The following KIF26B variants were observed in gnomAD, a reference collection of about 807,000 sequenced individuals.
KIF26B encodes kinesin-like protein KIF26B.
A neutral mutation model predicts 151.2 loss-of-function variants in KIF26B; 63 were observed. The observed-to-expected ratio is 0.42, with a 90% CI of 0.34 to 0.51. KIF26B has a LOEUF of 0.51. Ranked by LOEUF, KIF26B falls within the 20% of genes least tolerant of loss-of-function variation. The pLI is 0.07. For synonymous variants in KIF26B, 1,357 were observed against 1,262.1 expected (o/e 1.08, Z -1.59); for missense variants, 2,813 against 2,913.6 (o/e 0.97, Z 0.79).
At chr1:245,327,488 T>C (rs1672013924) in intron 2 of KIF26B, among the ~76,000 whole-genome samples, 2 of 152,240 alleles carry the variant, frequency 1.3e-5, no homozygotes, top group Non-Finnish European at 2.9e-5. Flanking sequence ...AACTTTTAGC[T>C]ATGAAACATC....
intron 3 of KIF26B, among the ~76,000 whole-genome samples, chr1:245,406,877 T>C (rs1674146952): frequency 1.3e-5 from 2 of 152,092 alleles, no homozygotes; most frequent in Admixed American, 1.3e-4. Context: ...AGCTTCTGCC[T>C]CCCGGGTTCA....
chr1:245,433,466 CAA>C (rs111335967), intron 4 of KIF26B, among the ~76,000 whole-genome samples: 6 of 115,010 alleles, frequency 5.2e-5, no homozygotes, highest in African/African-American at 3.2e-5. Context: ...GACTCTGTCT[CAA>C]AAAAAAAAAA....
intron 4 of KIF26B, among the ~76,000 whole-genome samples, chr1:245,490,259 C>T (rs1293490957): frequency 4.6e-5 from 7 of 151,354 alleles, no homozygotes; most frequent in South Asian, 2.1e-4. Context: ...AGACTATCCA[C>T]GAGAGACTTC....
At chr1:245,292,746 G>C (rs1235109387) in intron 2 of KIF26B, among the ~76,000 whole-genome samples, 1 of 152,150 alleles carries the variant, frequency 6.6e-6, no homozygotes, top group Admixed American at 6.5e-5. Context: ...GCAGATCACT[G>C]TCAGTGGAGT....
At chr1:245,156,243 C>A in intron 1 of KIF26B, 39 bp from the exon 2 acceptor site, 1 of 1,536,316 alleles carries the variant, frequency 6.5e-7, no homozygotes, top group Non-Finnish European at 8.8e-7. Context: ...TGCAGCCCGC[C>A]GCCTTGCAGC....
chr1:245,283,010 C>T (rs750688774), intron 2 of KIF26B: 6 of 288,806 alleles, frequency 2.1e-5, no homozygotes, highest in South Asian at 8.1e-5. Flanking sequence ...GCTCCATGTG[C>T]TTCATGGCTT....
At chr1:245,198,663 G>A (rs913206144) in intron 2 of KIF26B, among the ~76,000 whole-genome samples, 12 of 151,558 alleles carry the variant, frequency 7.9e-5, no homozygotes, top group South Asian at 4.2e-4. Context: ...CGGAGGTTGC[G>A]TGAGTCGAGA....
chr1:245,292,334 C>T (rs1347334719), intron 2 of KIF26B, among the ~76,000 whole-genome samples: 1 of 152,150 alleles, frequency 6.6e-6, no homozygotes, highest in Non-Finnish European at 1.5e-5. Flanking sequence ...GAGAGGGAAC[C>T]GTCACTGCCA....
At chr1:245,618,216 T>C (rs1163266772) in intron 9 of KIF26B, among the ~76,000 whole-genome samples, 3 of 152,362 alleles carry the variant, frequency 2.0e-5, no homozygotes, top group South Asian at 2.1e-4. Flanking sequence ...GTGGGGGATG[T>C]TATGCTTTTG....
chr1:245,622,044 C>T (rs116785387), intron 9 of KIF26B, among the ~76,000 whole-genome samples: 6,026 of 152,262 alleles, frequency 0.04, 161 homozygotes, highest in Middle Eastern at 0.065. Flanking sequence ...TGTCTTTGCC[C>T]TTTAATCTGT....
intron 3 of KIF26B, among the ~76,000 whole-genome samples, chr1:245,414,001 C>T (rs1435929230): frequency 6.6e-6 from 1 of 152,140 alleles, no homozygotes; most frequent in Non-Finnish European, 1.5e-5. Flanking sequence ...CACAGGTGAC[C>T]ACCTCAGGAC....
intron 3 of KIF26B, among the ~76,000 whole-genome samples, chr1:245,396,130 T>A (rs1403868238): frequency 6.6e-6 from 1 of 152,176 alleles, no homozygotes; most frequent in African/African-American, 2.4e-5. Flanking sequence ...ATACTGACTT[T>A]TTGTTTATAT....
At chr1:245,203,910 T>C (rs77438607) in intron 2 of KIF26B, among the ~76,000 whole-genome samples, 1,785 of 152,306 alleles carry the variant, frequency 0.012, 34 homozygotes, top group African/African-American at 0.041. Flanking sequence ...AACTTTGGTG[T>C]TGAAAGAGCT....
chr1:245,367,309 A>T lies in KIF26B; in HGVS notation c.941A>T (p.Tyr314Phe). 6.3e-7 allele frequency: 1 copy of T among 1,596,636 alleles called. No individual in the cohort carries two copies. Among genetic ancestry groups the T allele is most frequent in the East Asian group, 2.3e-5 (1 of 44,020 alleles). ...LNSVAIQAHQ[Y>F]LDGTWSLSRT... ...TCGGTGGCCATCCAGGCTCACCAGT[A>T]CCTGGATGGCACCTGGTCCCTGTCG... Residue 314 changes from tyrosine to phenylalanine, a missense_variant, in exon 3 of 15, where the codon TAC (tyrosine) becomes TTC (phenylalanine). By Grantham distance (22) the Tyr-to-Phe change is conservative. Coordinates refer to ENST00000407071, the MANE Select transcript of KIF26B (RefSeq NM_018012.4). This position sits in a 1 kb window ranked among gnomAD's most constrained non-coding sequence, Gnocchi z 4.2.
intron 2 of KIF26B, among the ~76,000 whole-genome samples, chr1:245,181,078 A>C (rs1350445433): frequency 6.6e-6 from 1 of 152,202 alleles, no homozygotes; most frequent in Non-Finnish European, 1.5e-5. Context: ...GGAATTTGCC[A>C]AAGCTCTCAG....
At chr1:245,185,400 T>C (rs372692753) in intron 2 of KIF26B, among the ~76,000 whole-genome samples, 2 of 152,088 alleles carry the variant, frequency 1.3e-5, no homozygotes, top group Non-Finnish European at 2.9e-5. Flanking sequence ...AGATACTTAA[T>C]GAAACCTGGT....
intron 2 of KIF26B, among the ~76,000 whole-genome samples, chr1:245,321,325 G>T (rs1671882854): frequency 6.6e-6 from 1 of 152,126 alleles, no homozygotes; most frequent in Non-Finnish European, 1.5e-5. Context: ...AACATTCACT[G>T]GTTTCTTTCC....
At chr1:245,216,903 CTTAT>C (rs1205264388) in intron 2 of KIF26B, among the ~76,000 whole-genome samples, 1 of 152,150 alleles carries the variant, frequency 6.6e-6, no homozygotes, top group Non-Finnish European at 1.5e-5. Flanking sequence ...TCACTTTTGC[CTTAT>C]TTCATATTTG....
chr1:245,562,017 G>A (rs551718684), intron 5 of KIF26B, among the ~76,000 whole-genome samples: 8 of 152,274 alleles, frequency 5.3e-5, no homozygotes, highest in African/African-American at 9.6e-5. Context: ...GTTGCGGATT[G>A]CAGCTGTTTC....
Sources: gnomAD v4.1 joint callset for allele counts (sites outside exome capture counted in the v4.1 genomes callset) on GRCh38, gnomAD v4.1.1 for gene constraint, Gnocchi (gnomAD v3.1) non-coding constraint, MANE v1.5 for transcripts, NCBI Gene and HGNC (gene_info 2026-07-23, HGNC 2026-07-21) for gene names.